Variants in WDFY4 observed in about 807,000 individuals in gnomAD.
WDFY4 encodes the protein WDFY family member 4, also known as WD repeat- and FYVE domain-containing protein 4.
In WDFY4, 169 loss-of-function variants were observed where a neutral mutation model predicts 351.9. The ratio of observed to expected loss-of-function variants is 0.48; its 90% CI spans 0.42 to 0.55. WDFY4 has a LOEUF of 0.55. WDFY4 is among the 20% of genes least tolerant of loss of function. The pLI, the probability that WDFY4 is intolerant of heterozygous loss-of-function variation, is 0.00. For synonymous variants in WDFY4, 1,622 were observed against 1,574.6 expected (o/e 1.03, Z -0.71); for missense variants, 3,803 against 3,935.6 (o/e 0.97, Z 0.90).
At chr10:48,963,668 C>T (rs930947472) in intron 53 of WDFY4, among the ~76,000 whole-genome samples, 174 bp from the exon 54 acceptor site, 4 of 152,102 alleles carry the variant, frequency 2.6e-5, no homozygotes, top group Non-Finnish European at 5.9e-5. Context: ...CTAGGGTGGC[C>T]CTCGGGTGGC....
At position 48,776,766 on chromosome 10, in the gene WDFY4, G is replaced by A; in HGVS notation, c.2880G>A (p.Gln960=). The change falls in exon 16 of 62, where the codon CAG becomes CAA. Residue 960 remains glutamine (Q), a synonymous_variant. Coordinates refer to ENST00000325239, the MANE Select transcript of WDFY4 (RefSeq NM_001394531.1). Reference sequence around the variant, plus strand: ...CTGCCCTAGGGTCACAGACTGCACAGGGCTTGGCTGAGGGGCCCTGGCCAG... The same window carrying A: ...CTGCCCTAGGGTCACAGACTGCACAAGGCTTGGCTGAGGGGCCCTGGCCAG... ...NPGCSGSQTA[Q]GLAEGPWPAA... The A allele has an allele frequency of 2.6e-6, 4 of 1,549,130 alleles. No individual in the cohort carries two copies. The highest frequency in any genetic ancestry group is 2.7e-5 in the African/African-American group (2 of 73,164).
chr10:48,897,362 G>T, intron 44 of WDFY4, 92 bp from the exon 45 acceptor site: 1 of 1,484,892 alleles, frequency 6.7e-7, no homozygotes, highest in Non-Finnish European at 9.0e-7. Flanking sequence ...AAATGTGGGT[G>T]GAGCTGGTGG....
At chr10:48,973,730 C>G (rs1842431695) in intron 57 of WDFY4, among the ~76,000 whole-genome samples, 1 of 152,192 alleles carries the variant, frequency 6.6e-6, no homozygotes, top group Admixed American at 6.5e-5. Flanking sequence ...CCAGGGGGTA[C>G]CAGCATGTGT....
At chr10:48,686,867 C>G (rs2063064312) in intron 1 of WDFY4, among the ~76,000 whole-genome samples, 1 of 151,992 alleles carries the variant, frequency 6.6e-6, no homozygotes, top group Non-Finnish European at 1.5e-5. Flanking sequence ...AAGAATTTAT[C>G]TTGGGTATAT....
chr10:48,865,300 A>AT (rs1425423961), intron 39 of WDFY4, among the ~76,000 whole-genome samples: 2 of 151,998 alleles, frequency 1.3e-5, no homozygotes. Context: ...ATTTTTGTCA[A>AT]TTTTTTTAAA....
At chr10:48,976,657 A>G in intron 58 of WDFY4, 140 bp from the exon 59 acceptor site, 2 of 684,376 alleles carry the variant, frequency 2.9e-6, no homozygotes, top group Non-Finnish European at 4.2e-6. Context: ...GTCAGCTGGA[A>G]AGAAGTTTTG....
intron 1 of WDFY4, among the ~76,000 whole-genome samples, chr10:48,689,464 T>G (rs750020246): frequency 6.6e-6 from 1 of 152,232 alleles, no homozygotes; most frequent in African/African-American, 2.4e-5. Flanking sequence ...ATAAAATACC[T>G]CAGTACCTGA....
At chr10:48,902,525 A>C (rs1260533765) in intron 47 of WDFY4, among the ~76,000 whole-genome samples, 1 of 152,054 alleles carries the variant, frequency 6.6e-6, no homozygotes, top group Non-Finnish European at 1.5e-5. Context: ...AGATATTTAT[A>C]ATCAGTATAA....
In WDFY4 at chr10:48,830,860, G is replaced by A. The variant is rs913803494; in HGVS notation, c.6501G>A (p.Met2167Ile). 88 of 1,551,504 alleles carry A rather than the reference G, an allele frequency of 5.7e-5. No homozygotes were observed. The highest frequency in any genetic ancestry group is 7.1e-5 in the Non-Finnish European group (82 of 1,146,952). The change falls in exon 38 of 62, where the codon ATG (methionine) becomes ATA (isoleucine). Residue 2167 changes from methionine to isoleucine, a missense_variant. Around this residue, in one of 3 missense-constraint regions of WDFY4, gnomAD observed 3,054 missense variants for 3,148.6 expected, o/e 0.97. Coordinates refer to ENST00000325239, the MANE Select transcript of WDFY4 (RefSeq NM_001394531.1). The part of the protein sequence containing the change: ...EEVTPLWEET[M>I]LKAWQHYLAS... ...TCACACCGCTCTGGGAGGAGACGAT[G>A]CTCAAGGCCTGGCAGCATTACTTAG... is the stretch of plus-strand genomic sequence containing the variant.
At chr10:48,744,701 T>C (rs1016465803) in intron 12 of WDFY4, among the ~76,000 whole-genome samples, 1 of 152,234 alleles carries the variant, frequency 6.6e-6, no homozygotes, top group Admixed American at 6.5e-5. Flanking sequence ...TGCCTCTAAA[T>C]GCTTGTGAAC....
intron 32 of WDFY4, among the ~76,000 whole-genome samples, chr10:48,820,016 G>C (rs1348428759): frequency 1.9e-4 from 29 of 152,178 alleles, no homozygotes; most frequent in Admixed American, 1.9e-3. Context: ...CTGTGGTTTA[G>C]CTTCTTTGCA....
At chr10:48,876,997 C>A (rs1484460457) in intron 42 of WDFY4, 36 bp from the exon 43 acceptor site, 1 of 1,440,860 alleles carries the variant, frequency 6.9e-7, no homozygotes, top group Non-Finnish European at 9.1e-7. Flanking sequence ...TCAGGTGGCT[C>A]CTGTCAACAC....
chr10:48,973,572 C>T (rs557721555), intron 57 of WDFY4, among the ~76,000 whole-genome samples: 20 of 152,370 alleles, frequency 1.3e-4, no homozygotes, highest in South Asian at 4.1e-4. Flanking sequence ...AGGCCAATTA[C>T]GCTTCAGAAT....
chr10:48,715,177 A>G (rs1157114673), intron 2 of WDFY4, among the ~76,000 whole-genome samples: 1 of 152,254 alleles, frequency 6.6e-6, no homozygotes, highest in Non-Finnish European at 1.5e-5. Flanking sequence ...GCACACCCAC[A>G]ATCTTGGAAG....
chr10:48,725,814 C>T, intron 5 of WDFY4, 67 bp from the exon 6 acceptor site: 1 of 1,445,128 alleles, frequency 6.9e-7, no homozygotes, highest in Non-Finnish European at 9.3e-7. Flanking sequence ...AAGTAGGGAA[C>T]AAATCCATCT....
Position 48,923,496 on chromosome 10 carries a change from G to GTATATATATATATATATATATATA in WDFY4, c.7587-18293_7587-18292insATATATATATATATATATATATAT, listed in dbSNP as rs374289050. On this transcript the variant is annotated intron_variant, in intron 47 of 61. Transcript: ENST00000325239. ...TCAGGTAAACAACAAATAGTTTTTA[G>GTATATATATATATATATATATATA]TATATATATATATATATGTCCCAAA... Among the ~76,000 whole-genome samples the GTATATATATATATATATATATATA allele has an allele frequency of 2.9e-3, 186 of 63,150 alleles. 15 individuals are homozygous for GTATATATATATATATATATATATA. Among genetic ancestry groups the GTATATATATATATATATATATATA allele is most frequent in the South Asian group, 4.8e-3 (5 of 1,034 alleles). The allele number at this position is 63,150 out of a possible 152,430, so 41.4% of individuals were successfully genotyped here.
At chr10:48,760,307 A>G in intron 12 of WDFY4, 40 bp from the exon 13 acceptor site, 1 of 1,523,330 alleles carries the variant, frequency 6.6e-7, no homozygotes, top group Non-Finnish European at 8.9e-7. Flanking sequence ...AAGAAACTGG[A>G]AGGTCCGTGT....
intron 39 of WDFY4, among the ~76,000 whole-genome samples, chr10:48,834,712 A>G (rs534512693): frequency 2.8e-4 from 42 of 152,246 alleles, no homozygotes; most frequent in Admixed American, 2.6e-3. Flanking sequence ...CCTGGCTGGG[A>G]GCTAGGGAAG....
Position 48,978,348 on chromosome 10 carries a change from C to A in WDFY4, c.9331C>A (p.Arg3111=). The A allele has an allele frequency of 6.4e-7, 1 of 1,551,420 alleles. No homozygotes were observed. The highest frequency in any genetic ancestry group is 8.7e-7 in the Non-Finnish European group (1 of 1,146,872). The change falls in exon 60 of 62, where the codon CGG becomes AGG. Residue 3111 remains arginine (R), a synonymous_variant. Coordinates refer to ENST00000325239, the MANE Select transcript of WDFY4 (RefSeq NM_001394531.1). ...TEDVKMSVPG[R]PAGEEPPAQP... is the part of the protein sequence containing the mutation. The stretch of plus-strand genomic sequence containing the variant: ...GGATGTGAAGATGTCTGTTCCTGGA[C>A]GGCCAGCAGGAGAGGAGCCCCCGGC...
Sources: allele counts gnomAD v4.1 joint callset (sites outside exome capture counted in the v4.1 genomes callset), GRCh38; gene constraint gnomAD v4.1.1; regional missense constraint gnomAD v4.1.1; transcripts MANE v1.5; gene names NCBI Gene and HGNC (gene_info 2026-07-23, HGNC 2026-07-21).